TMED7: variants seen among roughly 807,000 people sequenced by gnomAD.
TMED7 encodes transmembrane emp24 domain-containing protein 7.
In TMED7, 8 loss-of-function variants were observed where a neutral mutation model predicts 23.4. That is an observed-to-expected ratio of 0.34 (90% CI 0.20 to 0.62). TMED7 has a LOEUF of 0.62. TMED7 is among the 20% of genes least tolerant of loss of function. The probability of loss-of-function intolerance (pLI) is 0.77; values close to 1 mark genes in which losing one functional copy is unlikely to be tolerated. For synonymous variants in TMED7, 121 were observed against 108.5 expected (o/e 1.12, Z -0.72); for missense variants, 232 against 279.1 (o/e 0.83, Z 1.20).
intron 1 of TMED7, among the ~76,000 whole-genome samples, chr5:115,624,249 A>G (rs996540602): frequency 1.3e-5 from 2 of 152,160 alleles, no homozygotes; most frequent in Non-Finnish European, 2.9e-5. Flanking sequence ...GTGCTAATCC[A>G]TGAAGGTAAG....
In TMED7 at chr5:115,625,912, G is replaced by T. The variant is rs1226698298; in HGVS notation, c.-120C>A. ...CCCGCAAAGATACACAGCAGAGCAGGTTCACGCCTGTGGGAGATTCGGGAT... is the reference window on the plus strand; with the variant it reads ...CCCGCAAAGATACACAGCAGAGCAGTTTCACGCCTGTGGGAGATTCGGGAT... On this transcript the variant is annotated 5_prime_UTR_variant, in exon 1 of 3. Transcript: ENST00000456936. The T allele has an allele frequency of 8.0e-7, 1 of 1,253,844 alleles. No homozygotes were observed. The highest frequency in any genetic ancestry group is 1.0e-6 in the Non-Finnish European group (1 of 991,328). 77.7% of individuals were successfully genotyped at this position (1,253,844 alleles called of 1,614,324 possible). A position where few individuals can be genotyped will look rare whatever the true frequency, so the allele number is the denominator to read the frequency against.
chr5:115,624,050 C>T (rs1757122007), intron 1 of TMED7, among the ~76,000 whole-genome samples: 1 of 152,128 alleles, frequency 6.6e-6, no homozygotes, highest in Non-Finnish European at 1.5e-5. Flanking sequence ...TGAGAACATA[C>T]CTGAAATGCT....
chr5:115,618,870 G>A (rs896916426), intron 2 of TMED7, among the ~76,000 whole-genome samples: 3 of 152,100 alleles, frequency 2.0e-5, no homozygotes, highest in Admixed American at 1.3e-4. Flanking sequence ...AAAATGGTGA[G>A]AGTAAAACTT....
At chr5:115,623,014 A>G (rs1483435347) in intron 1 of TMED7, among the ~76,000 whole-genome samples, 1 of 152,204 alleles carries the variant, frequency 6.6e-6, no homozygotes, top group South Asian at 2.1e-4. Flanking sequence ...ATACGACTAT[A>G]TATGTCTATG....
rs1462605109 is a variant in TMED7, at chr5:115,615,611, T to A, written c.*598A>T. On this transcript the variant is annotated 3_prime_UTR_variant, in exon 3 of 3. Coordinates refer to ENST00000456936, the MANE Select transcript of TMED7 (RefSeq NM_181836.6). ...TACTACAAATGCCTTTATGAAAAAA[T>A]AGCATAGCTGGTTTAAATTATAAAC... The A allele has an allele frequency of 1.3e-5, 2 of 153,194 alleles. No individual in the cohort carries two copies. The highest frequency in any genetic ancestry group is 4.8e-5 in the African/African-American group (2 of 41,442). The allele number at this position is 153,194 out of a possible 1,614,324, so 9.5% of individuals were successfully genotyped here.
Position 115,625,856 on chromosome 5 carries a change from A to G in TMED7, c.-64T>C. ...CGCAGGGTCAGGTCTGCGCGGACTC[A>G]CCGCGCGCGGCAGGCCTCAGCGCAG... On this transcript the variant is annotated 5_prime_UTR_variant, in exon 1 of 3. Coordinates refer to ENST00000456936, the MANE Select transcript of TMED7 (RefSeq NM_181836.6). 1 of 1,339,108 alleles carries G rather than the reference A, an allele frequency of 7.5e-7. No homozygotes were observed. Among genetic ancestry groups the G allele is most frequent in the Non-Finnish European group, 9.5e-7 (1 of 1,051,800 alleles). 83.0% of individuals were successfully genotyped at this position (1,339,108 alleles called of 1,614,324 possible). A position where few individuals can be genotyped will look rare whatever the true frequency, so the allele number is the denominator to read the frequency against.
At chr5:115,622,133 T>G (rs1341104743) in intron 1 of TMED7, among the ~76,000 whole-genome samples, 4 of 152,210 alleles carry the variant, frequency 2.6e-5, no homozygotes, top group African/African-American at 9.6e-5. Flanking sequence ...TAACTTCATT[T>G]TGCTATACTG....
rs548770981 is a variant in TMED7, at chr5:115,615,203, A to C, written c.*1006T>G. ...GTAGCTAACCAGAAACTACAGAAAT[A>C]AAATATGCACGACAAAAAAAAGAAA... On this transcript the variant is annotated 3_prime_UTR_variant, in exon 3 of 3. Transcript: ENST00000456936. 2.0e-5 allele frequency: 3 copies of C among 152,664 alleles called. No homozygotes were observed. The highest frequency in any genetic ancestry group is 6.5e-5 in the Admixed American group (1 of 15,294). 9.5% of individuals were successfully genotyped at this position (152,664 alleles called of 1,614,324 possible). A position where few individuals can be genotyped will look rare whatever the true frequency, so the allele number is the denominator to read the frequency against.
rs1243111492 is a variant in TMED7 at position 115,616,392 on chromosome 5, A to G, written c.492T>C (p.Tyr164=). The G allele has an allele frequency of 6.2e-7, 1 of 1,614,090 alleles. No individual in the cohort carries two copies. The highest frequency in any genetic ancestry group is 1.3e-5 in the African/African-American group (1 of 74,950). ...IHEALKSVID[Y]QTHFRLREAQ... is the part of the protein sequence containing the mutation. Reference sequence around the variant, plus strand: ...CTTCTCTTAAACGGAAATGAGTCTGATAATCGATGACAGACTTCAGAGCTT... The same window carrying G: ...CTTCTCTTAAACGGAAATGAGTCTGGTAATCGATGACAGACTTCAGAGCTT... Residue 164 remains tyrosine, a synonymous_variant, in exon 3 of 3, where the codon TAT becomes TAC. Coordinates refer to ENST00000456936, the MANE Select transcript of TMED7 (RefSeq NM_181836.6).
At position 115,616,266 on chromosome 5, in the gene TMED7, A is replaced by C; in HGVS notation, c.618T>G (p.Phe206Leu). ...ILLVVSIGQV[F>L]LLKSFFSDKR... Reference sequence around the variant, plus strand: ...TATCTGAGAAAAAGCTTTTCAAAAGAAATACCTGCCCTATGCTAACCACCA... The same window carrying C: ...TATCTGAGAAAAAGCTTTTCAAAAGCAATACCTGCCCTATGCTAACCACCA... The change falls in exon 3 of 3, where the codon TTT (phenylalanine) becomes TTG (leucine). Residue 206 changes from phenylalanine to leucine, a missense_variant. Coordinates refer to ENST00000456936, the MANE Select transcript of TMED7 (RefSeq NM_181836.6). 1.2e-6 allele frequency: 2 copies of C among 1,614,176 alleles called. No individual in the cohort carries two copies. The highest frequency in any genetic ancestry group is 2.2e-5 in the East Asian group (1 of 44,880).
chr5:115,616,482 T>C (rs1335226261), intron 2 of TMED7, 37 bp from the exon 3 acceptor site: 3 of 1,612,748 alleles, frequency 1.9e-6, no homozygotes, highest in Non-Finnish European at 2.5e-6. Flanking sequence ...TGTGTGATAC[T>C]TTCTGTAGAC....
chr5:115,621,708 T>C (rs956412777), intron 1 of TMED7, among the ~76,000 whole-genome samples: 1 of 152,128 alleles, frequency 6.6e-6, no homozygotes, highest in African/African-American at 2.4e-5. Context: ...AAGGCTTCCT[T>C]ACATGAGAAA....
chr5:115,622,589 AACT>A (rs1202869037), intron 1 of TMED7, among the ~76,000 whole-genome samples: 3 of 152,240 alleles, frequency 2.0e-5, no homozygotes, highest in Admixed American at 2.0e-4. Context: ...CCTGGTCTCT[AACT>A]ACTAGATGCA....
chr5:115,618,705 T>G (rs1218507124), intron 2 of TMED7, among the ~76,000 whole-genome samples: 1 of 152,222 alleles, frequency 6.6e-6, no homozygotes, highest in East Asian at 1.9e-4. Flanking sequence ...CATATTATGA[T>G]AAGGCACATA....
Position 115,625,692 on chromosome 5 carries a change from G to T in TMED7, c.101C>A (p.Ala34Asp). Residue 34 changes from alanine to aspartate, a missense_variant, in exon 1 of 3, where the codon GCC (alanine) becomes GAC (aspartate). This residue lies in a region of TMED7 where 106 missense variants were observed against 97.0 expected (regional missense o/e 1.09). Transcript: ENST00000456936. Reference protein sequence around the residue: ...LLLLVPGPGGASEITFELPDN... With the variant: ...LLLLVPGPGGDSEITFELPDN... The stretch of plus-strand genomic sequence containing the variant: ...AGGAAGCTCGAAGGTGATCTCAGAG[G>T]CGCCGCCGGGTCCAGGCACCAGTAG... The T allele has an allele frequency of 1.2e-6, 2 of 1,602,528 alleles. No individual in the cohort carries two copies.
intron 2 of TMED7, among the ~76,000 whole-genome samples, chr5:115,619,386 G>A (rs370742368): frequency 2.6e-5 from 4 of 152,256 alleles, no homozygotes; most frequent in African/African-American, 9.6e-5. Flanking sequence ...TTGGCCAAGA[G>A]ACTAAATAGA....
At chr5:115,621,753 G>T (rs886383651) in intron 1 of TMED7, among the ~76,000 whole-genome samples, 6 of 152,148 alleles carry the variant, frequency 3.9e-5, no homozygotes, top group Non-Finnish European at 7.4e-5. Context: ...GTGCAGAGAG[G>T]TGAACAGAGT....
At chr5:115,621,061 G>C (rs1757012414) in intron 1 of TMED7, among the ~76,000 whole-genome samples, 1 of 152,106 alleles carries the variant, frequency 6.6e-6, no homozygotes, top group African/African-American at 2.4e-5. Flanking sequence ...GGCAGAACTT[G>C]AACTCCAAAG....
intron 2 of TMED7, among the ~76,000 whole-genome samples, chr5:115,619,648 T>C (rs1756947272): frequency 6.6e-6 from 1 of 152,180 alleles, no homozygotes; most frequent in South Asian, 2.1e-4. Context: ...TTATGTTTCA[T>C]ATATGCCTTA....
Sources: gnomAD v4.1 joint callset for allele counts (sites outside exome capture counted in the v4.1 genomes callset) on GRCh38, gnomAD v4.1.1 for gene constraint, gnomAD v4.1.1 regional missense constraint, MANE v1.5 for transcripts, NCBI Gene and HGNC (gene_info 2026-07-23, HGNC 2026-07-21) for gene names.